The following SANBR variants were observed in gnomAD, a reference collection of about 807,000 sequenced individuals.
The protein encoded by SANBR is SANT and BTB domain regulator of class switch recombination.
Under a neutral mutation model 101.8 loss-of-function variants are expected in SANBR, and 77 were observed. That is an observed-to-expected ratio of 0.76 (90% CI 0.63 to 0.91). The LOEUF is 0.91. Ranked by LOEUF, SANBR falls within the 40% of genes least tolerant of loss-of-function variation. The pLI is 0.00. For missense variants in SANBR, 875 were observed against 853.0 expected, an observed-to-expected ratio of 1.03 and a Z score of -0.32; for synonymous variants, 279 against 274.7, an observed-to-expected ratio of 1.02 and a Z score of -0.15.
chr2:61,077,516 G>A (rs139054004), intron 6 of SANBR, among the ~76,000 whole-genome samples: 42 of 151,780 alleles, frequency 2.8e-4, no homozygotes, highest in Non-Finnish European at 4.0e-4. Context: ...GGGTAAAACT[G>A]TTGAAGCTTT....
chr2:61,134,856 T>G (rs1352561397), intron 21 of SANBR, among the ~76,000 whole-genome samples: 1 of 152,006 alleles, frequency 6.6e-6, no homozygotes, highest in East Asian at 1.9e-4. Flanking sequence ...ATCGCGCCAC[T>G]GCACTCCAGC....
intron 8 of SANBR, among the ~76,000 whole-genome samples, chr2:61,085,450 A>G (rs1182087678): frequency 1.3e-5 from 2 of 151,830 alleles, no homozygotes; most frequent in Non-Finnish European, 2.9e-5. Flanking sequence ...TCTGTTTCCG[A>G]ATTGTCCTTT....
In SANBR at chr2:61,118,126, G is replaced by C. The variant is rs368550014; in HGVS notation, c.2028+10G>C. ...AAAGGAAGCAAAAGAAGTAAGAATT[G>C]TGTACTAGTGTATTGTACTTGTGTA... On this transcript the variant is annotated intron_variant, in intron 20 of 21. Coordinates refer to ENST00000402291, the MANE Select transcript of SANBR (RefSeq NM_001129993.3). The C allele has an allele frequency of 2.5e-6, 4 of 1,571,212 alleles. No homozygotes were observed. Among genetic ancestry groups the C allele is most frequent in the Non-Finnish European group, 3.5e-6 (4 of 1,143,198 alleles).
At chr2:61,072,590 A>G (rs1681533629) in intron 4 of SANBR, among the ~76,000 whole-genome samples, 2 of 152,168 alleles carry the variant, frequency 1.3e-5, no homozygotes, top group African/African-American at 4.8e-5. Context: ...AAAAATTTAA[A>G]CATTTTTAAA....
intron 6 of SANBR, among the ~76,000 whole-genome samples, chr2:61,079,347 C>T (rs1681964889): frequency 6.6e-6 from 1 of 152,166 alleles, no homozygotes; most frequent in Non-Finnish European, 1.5e-5. Flanking sequence ...TGGGCATATA[C>T]TTGTATGATC....
chr2:61,072,256 G>A (rs767154477), intron 4 of SANBR, among the ~76,000 whole-genome samples: 2 of 151,988 alleles, frequency 1.3e-5, no homozygotes, highest in Non-Finnish European at 2.9e-5. Context: ...TTAAAATCAT[G>A]TTTATCTTTG....
At chr2:61,101,462 T>G (rs1000607473) in intron 12 of SANBR, among the ~76,000 whole-genome samples, 1 of 152,200 alleles carries the variant, frequency 6.6e-6, no homozygotes, top group African/African-American at 2.4e-5. Flanking sequence ...GGCTGGGCGC[T>G]GTGGCTCACG....
At chr2:61,097,025 G>A (rs917082971) in intron 11 of SANBR, among the ~76,000 whole-genome samples, 4 of 151,968 alleles carry the variant, frequency 2.6e-5, no homozygotes, top group Non-Finnish European at 4.4e-5. Context: ...GTGGTTGTGC[G>A]CGCCTGTAAT....
chr2:61,070,721 TTA>T (rs1681417965), intron 3 of SANBR, among the ~76,000 whole-genome samples: 1 of 147,378 alleles, frequency 6.8e-6, no homozygotes, highest in Admixed American at 6.8e-5. Flanking sequence ...GTATATATAT[TTA>T]TATATAATAT....
intron 6 of SANBR, among the ~76,000 whole-genome samples, chr2:61,078,852 A>C (rs889465728): frequency 1.3e-5 from 2 of 151,922 alleles, no homozygotes; most frequent in African/African-American, 4.8e-5. Context: ...CAGCCTGGCC[A>C]ACATGGCAAA....
intron 3 of SANBR, among the ~76,000 whole-genome samples, 192 bp from the exon 4 acceptor site, chr2:61,071,414 G>A (rs1223764393): frequency 1.3e-5 from 2 of 152,038 alleles, no homozygotes; most frequent in Non-Finnish European, 2.9e-5. Flanking sequence ...GCTGGGCATG[G>A]TGGCAGGCAC....
chr2:61,083,300 AG>A lies in SANBR; in HGVS notation c.877del (p.Asp293IlefsTer21). 1 of 1,595,062 alleles carries A rather than the reference AG, an allele frequency of 6.3e-7. No individual in the cohort carries two copies. The highest frequency in any genetic ancestry group is 2.2e-5 in the East Asian group (1 of 44,728). On this transcript the variant is annotated frameshift_variant, in exon 8 of 22. Coordinates refer to ENST00000402291, the MANE Select transcript of SANBR (RefSeq NM_001129993.3). LOFTEE classifies it high-confidence loss of function. Reference sequence around the variant, plus strand: ...AAGTTGATGATTTAAAGGACAAAAAAGATAAATTTAAAAGGTAATTTCAAAA... The same window carrying A: ...AAGTTGATGATTTAAAGGACAAAAAAATAAATTTAAAAGGTAATTTCAAAA... ...NEVDDLKDKK[D>X]KFKSKLFCKK...
chr2:61,088,937 A>C (rs1404337661), intron 10 of SANBR: 1 of 899,278 alleles, frequency 1.1e-6, no homozygotes, highest in Non-Finnish European at 1.3e-6. Flanking sequence ...AATACTTTCT[A>C]AACAAGGTAG....
At chr2:61,124,847 C>G (rs1415243211), downstream of SANBR, among the ~76,000 whole-genome samples, 1 of 152,178 alleles carries the variant, frequency 6.6e-6, no homozygotes, top group Non-Finnish European at 1.5e-5. Flanking sequence ...TTTCCTTCTT[C>G]ACAATACTCA....
chr2:61,078,352 T>C (rs758916190), intron 6 of SANBR, among the ~76,000 whole-genome samples: 5 of 152,170 alleles, frequency 3.3e-5, no homozygotes, highest in Non-Finnish European at 7.4e-5. Flanking sequence ...GAAACAGATA[T>C]GGGAATCCAG....
chr2:61,103,805 G>T, intron 12 of SANBR, 48 bp from the exon 13 acceptor site: 1 of 1,544,778 alleles, frequency 6.5e-7, no homozygotes, highest in East Asian at 2.3e-5. Flanking sequence ...CTTTAAAGGA[G>T]TGTTCTATAA....
At chr2:61,085,097 G>A (rs1221246063) in intron 8 of SANBR, among the ~76,000 whole-genome samples, 1 of 152,102 alleles carries the variant, frequency 6.6e-6, no homozygotes. Context: ...CAAGTGGGAT[G>A]GCAAGTAGAT....
At chr2:61,094,670 T>TTTCA (rs1305760339) in intron 11 of SANBR, among the ~76,000 whole-genome samples, 1 of 134,066 alleles carries the variant, frequency 7.5e-6, no homozygotes. Context: ...TGAGATGGAG[T>TTTCA]TTCACTCTTG....
At chr2:61,125,529 G>C (rs115437450), downstream of SANBR, among the ~76,000 whole-genome samples, 7 of 152,194 alleles carry the variant, frequency 4.6e-5, no homozygotes, top group Non-Finnish European at 8.8e-5. Context: ...ATGTGGTAGG[G>C]AGCTATGCTG....
Sources: gnomAD v4.1 joint callset for allele counts (sites outside exome capture counted in the v4.1 genomes callset) on GRCh38, gnomAD v4.1.1 for gene constraint, MANE v1.5 for transcripts, NCBI Gene and HGNC (gene_info 2026-07-23, HGNC 2026-07-21) for gene names.